LAS1L: variants seen among roughly 807,000 people sequenced by gnomAD.
LAS1L encodes the protein ribosomal biogenesis protein LAS1L.
A neutral mutation model predicts 57.3 loss-of-function variants in LAS1L; 5 were observed. The ratio of observed to expected loss-of-function variants is 0.09; its 90% CI spans 0.05 to 0.18. The LOEUF is 0.18. LAS1L is among the 10% of genes least tolerant of loss of function. The pLI is 1.00. For missense variants in LAS1L, 360 were observed against 568.3 expected (o/e 0.63, Z 3.73); for synonymous variants, 245 against 231.7 (o/e 1.06, Z -0.52).
intron 2 of LAS1L, among the ~76,000 whole-genome samples, 199 bp from the exon 3 acceptor site, chrX:65,532,829 A>G (rs1327835919): frequency 8.9e-6 from 1 of 112,273 alleles, no homozygotes; most frequent in Non-Finnish European, 1.9e-5. Context: ...ATGAAGCCAT[A>G]CAGATGAATA....
chrX:65,517,232 T>C (rs2068668646), intron 12 of LAS1L, among the ~76,000 whole-genome samples: 1 of 99,389 alleles, frequency 1.0e-5, no homozygotes, highest in Non-Finnish European at 1.9e-5. Flanking sequence ...CCTAGGTTCC[T>C]TCTTTCTTTC....
At chrX:65,519,884 T>C (rs756251842) in intron 11 of LAS1L, among the ~76,000 whole-genome samples, 2 of 111,886 alleles carry the variant, frequency 1.8e-5, no homozygotes, top group African/African-American at 6.5e-5. Context: ...AATTTCATAT[T>C]CCAAGACGAT....
chrX:65,524,147 G>A lies in LAS1L; in HGVS notation c.1209C>T (p.Leu403=), dbSNP rs141099046. 8.3e-7 allele frequency: 1 copy of A among 1,211,061 alleles called. No homozygotes were observed. Among genetic ancestry groups the A allele is most frequent in the Admixed American group, 2.2e-5 (1 of 46,044 alleles). Residue 403 remains leucine (L), a synonymous_variant, in exon 10 of 14, where the codon CTC becomes CTT. Coordinates refer to ENST00000374811, the MANE Select transcript of LAS1L (RefSeq NM_031206.7). The part of the protein sequence containing the change: ...NFTQALLERM[L]SELPALGISG... ...TGATCCCCAAGGCTGGCAGTTCAGA[G>A]AGCATCCTCTCCAATAGGGCCTGCG... is the stretch of plus-strand genomic sequence containing the variant.
rs778611725 is a variant in LAS1L at position 65,518,535 on chromosome X, G to T, written c.1449-70C>A. ...GCCACTTCATACCCCAACACTCCAG[G>T]GTTTGAACTTGGTCTCTGAACTTCC... On this transcript the variant is annotated intron_variant, in intron 11 of 13. Coordinates refer to ENST00000374811, the MANE Select transcript of LAS1L (RefSeq NM_031206.7). The T allele has an allele frequency of 6.3e-6, 7 of 1,114,319 alleles. No individual in the cohort carries two copies. In the African/African-American group the frequency reaches 1.3e-4, roughly 20 times the overall value. The allele number at this position is 1,114,319 out of a possible 1,213,427, so 91.8% of individuals were successfully genotyped here. A position where few individuals can be genotyped will look rare whatever the true frequency, so the allele number is the denominator to read the frequency against.
chrX:65,525,044 A>G lies in LAS1L; in HGVS notation c.963T>C (p.Ala321=), dbSNP rs770975241. The stretch of plus-strand genomic sequence containing the variant: ...CATCATCCAGAAAAGCATCCAGCAC[A>G]GCCTCCCTGGAACAAGAGGACACTA... ...LKGVTCENRE[A]VLDAFLDDGF... is the part of the protein sequence containing the mutation. Residue 321 remains alanine (A), a synonymous_variant, in exon 8 of 14, where the codon GCT becomes GCC. Transcript: ENST00000374811. 6.6e-6 allele frequency: 8 copies of G among 1,206,558 alleles called. No individual in the cohort carries two copies. In the Admixed American group the frequency reaches 1.7e-4, roughly 26 times the overall value.
At chrX:65,533,498 C>CA (rs1475521629) in intron 2 of LAS1L, 112 bp downstream of exon 2, 23 of 668,872 alleles carry the variant, frequency 3.4e-5, no homozygotes, top group Non-Finnish European at 4.7e-5. Context: ...CAGTGAGGTA[C>CA]ACGCAGGGTT....
chrX:65,530,927 G>A (rs1260052570), intron 4 of LAS1L, among the ~76,000 whole-genome samples: 1 of 110,790 alleles, frequency 9.0e-6, no homozygotes, highest in African/African-American at 3.3e-5. Context: ...AGGTTGCAGT[G>A]AGCCAAGGTC....
intron 11 of LAS1L, chrX:65,520,301 C>A (rs778001445): frequency 7.7e-6 from 2 of 260,885 alleles, no homozygotes; most frequent in Non-Finnish European, 1.1e-5. Context: ...AGTCCCATCA[C>A]TCCTTAGAGC....
intron 1 of LAS1L, 62 bp downstream of exon 1, chrX:65,534,418 G>T: frequency 1.1e-6 from 1 of 884,335 alleles, no homozygotes; most frequent in Non-Finnish European, 1.5e-6. Flanking sequence ...ATAGAAACTC[G>T]ACAAAGGAAG....
In LAS1L at chrX:65,517,932, C is replaced by A. The variant is rs937521059; in HGVS notation, c.1927+55G>T. 3 of 1,140,291 alleles carry A rather than the reference C, an allele frequency of 2.6e-6. No individual in the cohort carries two copies. The African/African-American group carries it at 5.5e-5, about 21-fold the overall frequency. The allele number at this position is 1,140,291 out of a possible 1,213,427, so 94.0% of individuals were successfully genotyped here. ...ATCTCTTCCTAGGGTAGAAGGAAGCCTCAAGAGCCAGCCAAAGAGAAAAGA... is the reference window on the plus strand; with the variant it reads ...ATCTCTTCCTAGGGTAGAAGGAAGCATCAAGAGCCAGCCAAAGAGAAAAGA... On this transcript the variant is annotated intron_variant, in intron 12 of 13. Coordinates refer to ENST00000374811, the MANE Select transcript of LAS1L (RefSeq NM_031206.7).
At chrX:65,534,399 C>A in intron 1 of LAS1L, 81 bp downstream of exon 1, 1 of 756,085 alleles carries the variant, frequency 1.3e-6, no homozygotes, top group South Asian at 2.6e-5. Flanking sequence ...GACTGGAGAA[C>A]AGGGCCTTAT....
In LAS1L at chrX:65,518,448, C is replaced by T; in HGVS notation, c.1466G>A (p.Gly489Glu). 8.3e-7 allele frequency: 1 copy of T among 1,201,927 alleles called. No homozygotes were observed. The highest frequency in any genetic ancestry group is 1.1e-6 in the Non-Finnish European group (1 of 890,758). ...QLLRIIFKAM[G>E]QGLPDEEQEK... Reference sequence around the variant, plus strand: ...CTGCTCCTCGTCTGGCAGGCCCTGCCCCATGGCTTTGAAGATGCTGAGCAA... The same window carrying T: ...CTGCTCCTCGTCTGGCAGGCCCTGCTCCATGGCTTTGAAGATGCTGAGCAA... The change falls in exon 12 of 14, where the codon GGG becomes GAG. Residue 489 changes from glycine (G) to glutamate (E), a missense_variant. Gly to Glu is a moderately conservative substitution (Grantham distance 98). Transcript: ENST00000374811.
intron 12 of LAS1L, among the ~76,000 whole-genome samples, chrX:65,515,981 A>AT (rs1452664019): frequency 8.9e-6 from 1 of 111,769 alleles, no homozygotes; most frequent in Non-Finnish European, 1.9e-5. Flanking sequence ...ACACAGTATT[A>AT]TATTAAATGT....
chrX:65,519,335 A>T (rs1295081780), intron 11 of LAS1L, among the ~76,000 whole-genome samples: 1 of 112,041 alleles, frequency 8.9e-6, no homozygotes, highest in African/African-American at 3.2e-5. Flanking sequence ...CTGAGTACAC[A>T]TGAAGGCTAT....
chrX:65,534,743 G>A lies in LAS1L; in HGVS notation c.-28C>T, dbSNP rs370994447. The stretch of plus-strand genomic sequence containing the variant: ...TGAGCTCAACAACAGGCTCTGTGCC[G>A]CGCCGCTCCGCACAGCCTTCAGCTC... On this transcript the variant is annotated 5_prime_UTR_variant, in exon 1 of 14. Transcript: ENST00000374811. The A allele has an allele frequency of 1.2e-4, 126 of 1,092,165 alleles. No homozygotes were observed. The African/African-American group carries it at 1.7e-3, about 15-fold the overall frequency. The allele number at this position is 1,092,165 out of a possible 1,213,427, so 90.0% of individuals were successfully genotyped here. A position where few individuals can be genotyped will look rare whatever the true frequency, so the allele number is the denominator to read the frequency against.
intron 13 of LAS1L, among the ~76,000 whole-genome samples, chrX:65,514,034 C>T (rs1431660613): frequency 8.9e-6 from 1 of 112,262 alleles, no homozygotes; most frequent in African/African-American, 3.2e-5. Context: ...CCAGAATGCC[C>T]AGATGAAGAG....
intron 11 of LAS1L, chrX:65,522,097 G>A (rs1057229522): frequency 4.5e-5 from 5 of 111,533 alleles, no homozygotes. Flanking sequence ...GGTAGAGGCT[G>A]GGGTGAGGCC....
intron 11 of LAS1L, chrX:65,518,939 CCTT>C (rs1370127364): frequency 8.0e-6 from 6 of 752,535 alleles, no homozygotes; most frequent in Non-Finnish European, 7.8e-6. Flanking sequence ...GTTCTGTGCT[CCTT>C]CTGCGTGGAA....
intron 11 of LAS1L, chrX:65,523,058 A>G (rs2068943365): frequency 1.8e-5 from 2 of 112,608 alleles, no homozygotes; most frequent in African/African-American, 6.5e-5. Context: ...GGTAAAGGAG[A>G]CTCACAGGAG....
Sources: gnomAD v4.1 joint callset for allele counts (sites outside exome capture counted in the v4.1 genomes callset) on GRCh38, gnomAD v4.1.1 for gene constraint, MANE v1.5 for transcripts, NCBI Gene and HGNC (gene_info 2026-07-23, HGNC 2026-07-21) for gene names.